Variants in SCAND1 observed in about 807,000 individuals in gnomAD.
SCAND1 encodes the protein SCAN domain-containing protein 1.
SCAND1 carries 3 observed loss-of-function variants against 3.4 expected under a neutral mutation model. The observed-to-expected ratio is 0.87, with a 90% CI of 0.40 to 2.25. The LOEUF (loss-of-function observed/expected upper bound fraction) is 2.25, where lower values mean the gene tolerates loss of function less well. Ranked by LOEUF, SCAND1 falls within the 30% of genes most tolerant of loss-of-function variation. The probability of loss-of-function intolerance (pLI) is 0.05; values close to 1 mark genes in which losing one functional copy is unlikely to be tolerated. For synonymous variants in SCAND1, 152 were observed against 120.5 expected, an observed-to-expected ratio of 1.26 and a Z score of -1.72; for missense variants, 303 against 258.8, an observed-to-expected ratio of 1.17 and a Z score of -1.17.
Position 35,953,776 on chromosome 20 carries a change from C to A in SCAND1, c.509G>T (p.Arg170Leu). The change falls in exon 2 of 2, where the codon CGC becomes CTC. Residue 170 changes from arginine (R) to leucine (L), a missense_variant. Physicochemically the swap from Arg to Leu is moderately radical, Grantham distance 102. Coordinates refer to ENST00000305978, the MANE Select transcript of SCAND1 (RefSeq NM_033630.3). ...AGTGATGCGCACATCCGTGCGGCGG[C>A]GGATCCGCCGGGCCCGAGCCGCCTC... ...LPEAARARRI[R>L]RRTDVRITG 5 of 1,487,862 alleles carry A rather than the reference C, an allele frequency of 3.4e-6. No individual in the cohort carries two copies. Among genetic ancestry groups the A allele is most frequent in the Non-Finnish European group, 4.5e-6 (5 of 1,122,192 alleles). 92.2% of individuals were successfully genotyped at this position (1,487,862 alleles called of 1,614,324 possible).
At chr20:35,954,786 G>C (rs912404210), upstream of SCAND1, 9 of 399,310 alleles carry the variant, frequency 2.3e-5, no homozygotes, top group East Asian at 7.2e-4. Flanking sequence ...CCTTCTGATT[G>C]ACCCTGATGA....
At chr20:35,954,599 C>T (rs753758028), upstream of SCAND1, 3 of 1,397,272 alleles carry the variant, frequency 2.1e-6, no homozygotes, top group East Asian at 3.5e-5. Context: ...CTGCTGCCCT[C>T]GCGGTGCGGG....
chr20:35,954,061 G>A lies in SCAND1; in HGVS notation c.224C>T (p.Pro75Leu), dbSNP rs974253120. The change falls in exon 2 of 2, where the codon CCT becomes CTT. Residue 75 changes from proline (P) to leucine (L), a missense_variant. Physicochemically the swap from Pro to Leu is moderately conservative, Grantham distance 98. Coordinates refer to ENST00000305978, the MANE Select transcript of SCAND1 (RefSeq NM_033630.3). ...RAAASAALEL[P>L]LGPAPVSVAP... The stretch of plus-strand genomic sequence containing the variant: ...TACGCTCACGGGTGCGGGCCCGAGA[G>A]GCAGCTCCAGGGCCGCGGAGGCCGC... The A allele has an allele frequency of 5.2e-6, 8 of 1,539,392 alleles. No individual in the cohort carries two copies. Among genetic ancestry groups the A allele is most frequent in the South Asian group, 3.6e-5 (3 of 83,686 alleles).
chr20:35,959,063 A>G (rs1041356970), upstream of SCAND1: 1 of 152,212 alleles, frequency 6.6e-6, no homozygotes, highest in Non-Finnish European at 1.5e-5. Context: ...AGCTGTTACA[A>G]ATAGAACTGC....
chr20:35,954,384 G>GCA (rs771989900), intron 1 of SCAND1, 45 bp from the exon 2 acceptor site: 1 of 1,569,134 alleles, frequency 6.4e-7, no homozygotes, highest in South Asian at 1.2e-5. Context: ...CGGTTAAAGG[G>GCA]CAGAGCTCGC....
chr20:35,957,477 C>T (rs893258382), upstream of SCAND1, among the ~76,000 whole-genome samples: 4 of 152,024 alleles, frequency 2.6e-5, no homozygotes, highest in Non-Finnish European at 5.9e-5. Context: ...AATCTCAGCA[C>T]TTTAGAAGGC....
upstream of SCAND1, among the ~76,000 whole-genome samples, chr20:35,956,798 C>A (rs2056261111): frequency 6.6e-6 from 1 of 152,144 alleles, no homozygotes; most frequent in South Asian, 2.1e-4. Context: ...GAGGAGACTT[C>A]AAGCTGAGAC....
chr20:35,955,219 T>G (rs1257265850), upstream of SCAND1: 1 of 156,796 alleles, frequency 6.4e-6, no homozygotes, highest in Non-Finnish European at 1.5e-5. Context: ...CCTCGAAATA[T>G]AGCGAATTGA....
chr20:35,954,864 G>A (rs1341608087), upstream of SCAND1: 3 of 304,730 alleles, frequency 9.8e-6, no homozygotes, highest in East Asian at 3.5e-4. Flanking sequence ...TCGTTCGAGT[G>A]GCGCCCGGCC....
upstream of SCAND1, chr20:35,954,573 G>C: frequency 1.4e-6 from 2 of 1,456,916 alleles, no homozygotes; most frequent in Non-Finnish European, 1.8e-6. Context: ...TAGCGTTCTC[G>C]AGTCGCATGA....
chr20:35,956,672 G>T (rs1295275077), upstream of SCAND1, among the ~76,000 whole-genome samples: 2 of 152,190 alleles, frequency 1.3e-5, no homozygotes, highest in African/African-American at 4.8e-5. Flanking sequence ...TGGGTTTGCT[G>T]CCCAGAGTGA....
chr20:35,954,847 C>T, upstream of SCAND1: 1 of 308,306 alleles, frequency 3.2e-6, no homozygotes, highest in Admixed American at 5.1e-5. Flanking sequence ...TGACGGCTGG[C>T]CGGGGCTCGT....
intron 1 of SCAND1, 52 bp downstream of exon 1, chr20:35,954,396 T>C: frequency 6.4e-7 from 1 of 1,560,852 alleles, no homozygotes; most frequent in Non-Finnish European, 8.7e-7. Context: ...AGAGCTCGCG[T>C]CACCCTTGAG....
chr20:35,954,738 CCGCTTCGGTTTGCAGGTG>C, upstream of SCAND1: 1 of 805,602 alleles, frequency 1.2e-6, no homozygotes, highest in South Asian at 1.8e-5. Context: ...TATCCGTGCG[CCGCTTCGGTTTGCAGGTG>C]ACCTTTGCGT....
At chr20:35,958,357 G>A (rs964983067), upstream of SCAND1, among the ~76,000 whole-genome samples, 10 of 152,162 alleles carry the variant, frequency 6.6e-5, no homozygotes, top group African/African-American at 1.4e-4. Context: ...ACTTGAACCC[G>A]GGAGGCAGAG....
At chr20:35,956,127 C>T (rs143914848), upstream of SCAND1, among the ~76,000 whole-genome samples, 399 of 152,308 alleles carry the variant, frequency 2.6e-3, no homozygotes, top group African/African-American at 8.9e-3. Context: ...CTTTTGAGCC[C>T]GTGCAGGATG....
At chr20:35,954,395 G>T (rs113606286) in intron 1 of SCAND1, 53 bp downstream of exon 1, 18 of 1,561,490 alleles carry the variant, frequency 1.2e-5, no homozygotes, top group African/African-American at 1.1e-4. Context: ...CAGAGCTCGC[G>T]TCACCCTTGA....
chr20:35,953,716 C>T lies in SCAND1; in HGVS notation c.*29G>A, dbSNP rs1321224200. 2 of 1,387,592 alleles carry T rather than the reference C, an allele frequency of 1.4e-6. No individual in the cohort carries two copies. The highest frequency in any genetic ancestry group is 3.1e-5 in the South Asian group (2 of 64,452). 86.0% of individuals were successfully genotyped at this position (1,387,592 alleles called of 1,614,324 possible). A position where few individuals can be genotyped will look rare whatever the true frequency, so the allele number is the denominator to read the frequency against. Reference sequence around the variant, plus strand: ...CATGGCCCCAGTCCGCACAGAGCGCCCGGCCCTGGCCGCCCGCAGCTCCAC... The same window carrying T: ...CATGGCCCCAGTCCGCACAGAGCGCTCGGCCCTGGCCGCCCGCAGCTCCAC... On this transcript the variant is annotated 3_prime_UTR_variant, in exon 2 of 2. Transcript: ENST00000305978.
chr20:35,955,923 G>A (rs992156362), upstream of SCAND1, among the ~76,000 whole-genome samples: 1 of 152,146 alleles, frequency 6.6e-6, no homozygotes, highest in African/African-American at 2.4e-5. Context: ...GTTTCACCGT[G>A]TTGGCCAGAC....
Sources: allele counts gnomAD v4.1 joint callset (sites outside exome capture counted in the v4.1 genomes callset), GRCh38; gene constraint gnomAD v4.1.1; transcripts MANE v1.5; gene names NCBI Gene and HGNC (gene_info 2026-07-23, HGNC 2026-07-21).